Variants in CA10 observed in about 807,000 individuals in gnomAD.
CA10 encodes carbonic anhydrase 10 (inactive).
In CA10, 14 loss-of-function variants were observed where a neutral mutation model predicts 44.2. The observed-to-expected ratio is 0.32, with a 90% confidence interval of 0.21 to 0.50. The LOEUF is 0.50. CA10 is among the 20% of genes least tolerant of loss of function. The pLI, the probability that CA10 is intolerant of heterozygous loss-of-function variation, is 0.99. For missense variants in CA10, 350 were observed against 409.7 expected (o/e 0.85, Z 1.26); for synonymous variants, 159 against 141.6 (o/e 1.12, Z -0.87).
intron 3 of CA10, among the ~76,000 whole-genome samples, chr17:51,748,971 T>C (rs895380336): frequency 4.6e-5 from 7 of 152,152 alleles, no homozygotes; most frequent in African/African-American, 1.7e-4. Context: ...TACTGTAGAA[T>C]GGAGCCCATG....
At chr17:52,043,320 C>A (rs551575845) in intron 2 of CA10, among the ~76,000 whole-genome samples, 8 of 151,892 alleles carry the variant, frequency 5.3e-5, no homozygotes, top group Non-Finnish European at 8.8e-5. Context: ...GTATTTTATT[C>A]TTTTTGGTGC....
intron 2 of CA10, among the ~76,000 whole-genome samples, chr17:51,954,273 AG>A (rs1284146207): frequency 6.6e-6 from 1 of 152,180 alleles, no homozygotes; most frequent in Non-Finnish European, 1.5e-5. Context: ...TATTGTTTTG[AG>A]GAAAATTAAA....
intron 3 of CA10, among the ~76,000 whole-genome samples, chr17:51,854,818 A>T (rs539992048): frequency 6.6e-6 from 1 of 152,344 alleles, no homozygotes; most frequent in East Asian, 1.9e-4. Context: ...GTGATCATTC[A>T]TCTTTCCTTA....
intron 2 of CA10, among the ~76,000 whole-genome samples, chr17:52,029,615 C>T (rs1471846799): frequency 6.6e-6 from 1 of 151,718 alleles, no homozygotes; most frequent in Non-Finnish European, 1.5e-5. Context: ...ATTGCCATCC[C>T]CATCACTGTT....
chr17:51,729,089 C>T (rs1380282369), intron 4 of CA10, among the ~76,000 whole-genome samples: 6 of 152,200 alleles, frequency 3.9e-5, no homozygotes, highest in African/African-American at 1.4e-4. Flanking sequence ...TCCAGTGACT[C>T]CCGTTCCACC....
chr17:52,113,148 A>G (rs1988820929), intron 1 of CA10, among the ~76,000 whole-genome samples: 1 of 152,246 alleles, frequency 6.6e-6, no homozygotes, highest in African/African-American at 2.4e-5. Context: ...AGATTGGCTT[A>G]GAATATAAAC....
At chr17:51,967,177 G>C (rs1276024047) in intron 2 of CA10, among the ~76,000 whole-genome samples, 1 of 151,366 alleles carries the variant, frequency 6.6e-6, no homozygotes, top group African/African-American at 2.4e-5. Context: ...CTATTAAAAA[G>C]CCAAAAAACA....
chr17:52,078,444 A>G (rs1032112212), intron 1 of CA10, among the ~76,000 whole-genome samples: 1 of 152,228 alleles, frequency 6.6e-6, no homozygotes, highest in African/African-American at 2.4e-5. Flanking sequence ...GTGGTCTACA[A>G]CTAGCAAAGA....
At chr17:52,141,471 T>G (rs1347176007) in intron 1 of CA10, among the ~76,000 whole-genome samples, 1 of 152,232 alleles carries the variant, frequency 6.6e-6, no homozygotes, top group Non-Finnish European at 1.5e-5. Context: ...TCCTACCTGT[T>G]GGAAGCATTT....
intron 4 of CA10, among the ~76,000 whole-genome samples, chr17:51,677,532 T>C (rs1914668073): frequency 6.6e-6 from 1 of 152,148 alleles, no homozygotes; most frequent in Admixed American, 6.6e-5. Context: ...TTTCTTATAA[T>C]GTACCCAGTC....
chr17:51,630,507 G>T lies in CA10; in HGVS notation c.*1077C>A, dbSNP rs1912521346. ...TTCCTTCACGGGAGCATCACAGGGGGGCATGGCAGTTTTGAAACGCAAGAA... is the reference window on the plus strand; with the variant it reads ...TTCCTTCACGGGAGCATCACAGGGGTGCATGGCAGTTTTGAAACGCAAGAA... On this transcript the variant is annotated 3_prime_UTR_variant, in exon 9 of 9. Transcript: ENST00000451037. 1 of 152,616 alleles carries T rather than the reference G, an allele frequency of 6.6e-6. No homozygotes were observed. The highest frequency in any genetic ancestry group is 1.5e-5 in the Non-Finnish European group (1 of 68,036). 9.5% of individuals were successfully genotyped at this position (152,616 alleles called of 1,614,324 possible).
intron 3 of CA10, among the ~76,000 whole-genome samples, chr17:51,850,036 A>G (rs1219071358): frequency 1.3e-5 from 2 of 152,228 alleles, no homozygotes; most frequent in Non-Finnish European, 2.9e-5. Context: ...TGCTGTAAGC[A>G]GGGAAGTCCT....
At chr17:52,031,695 C>A (rs1272441319) in intron 2 of CA10, among the ~76,000 whole-genome samples, 1 of 152,030 alleles carries the variant, frequency 6.6e-6, no homozygotes, top group Admixed American at 6.6e-5. Flanking sequence ...GGATTAAAGA[C>A]AATAATAAGT....
At chr17:51,874,791 G>T (rs1451766649) in intron 3 of CA10, among the ~76,000 whole-genome samples, 1 of 152,090 alleles carries the variant, frequency 6.6e-6, no homozygotes, top group Non-Finnish European at 1.5e-5. Context: ...ACCAAATTCA[G>T]CATCTATTTC....
chr17:51,717,652 TATAC>T (rs1916169289), intron 4 of CA10, among the ~76,000 whole-genome samples: 4 of 47,844 alleles, frequency 8.4e-5, no homozygotes, highest in African/African-American at 2.3e-4. Flanking sequence ...TATATACATA[TATAC>T]GTATATATAC....
intron 3 of CA10, among the ~76,000 whole-genome samples, chr17:51,812,951 G>A (rs1412707298): frequency 1.3e-5 from 2 of 152,190 alleles, no homozygotes; most frequent in African/African-American, 4.8e-5. Flanking sequence ...CAATAGGTGA[G>A]CCTTCCTTTT....
At chr17:51,777,075 G>T (rs1436955767) in intron 3 of CA10, among the ~76,000 whole-genome samples, 2 of 152,180 alleles carry the variant, frequency 1.3e-5, no homozygotes, top group African/African-American at 4.8e-5. Flanking sequence ...ACAGTTTATA[G>T]ACTGAACAAA....
At chr17:51,654,556 TA>T (rs1237003427) in intron 4 of CA10, among the ~76,000 whole-genome samples, 3 of 124,980 alleles carry the variant, frequency 2.4e-5, no homozygotes, top group East Asian at 4.4e-4. Flanking sequence ...TATGGAAGCC[TA>T]ATTTTTTTTT....
intron 2 of CA10, among the ~76,000 whole-genome samples, chr17:52,034,128 T>C (rs776568422): frequency 6.6e-6 from 1 of 152,204 alleles, no homozygotes; most frequent in East Asian, 1.9e-4. Context: ...ATAGTGCCTA[T>C]AGTTAACAGT....
Sources: allele counts gnomAD v4.1 joint callset (sites outside exome capture counted in the v4.1 genomes callset), GRCh38; gene constraint gnomAD v4.1.1; transcripts MANE v1.5; gene names NCBI Gene and HGNC (gene_info 2026-07-23, HGNC 2026-07-21).